Variants in RP1 observed in about 807,000 individuals in gnomAD.
The protein encoded by RP1 is RP1 axonemal microtubule associated.
RP1 carries 16 observed loss-of-function variants against 14.8 expected under a neutral mutation model. That is an observed-to-expected ratio of 1.08 (90% CI 0.73 to 1.65). RP1 has a LOEUF of 1.65. Among genes scored for constraint, RP1 ranks in the 40% most tolerant of loss-of-function variants. The pLI is 0.00. For synonymous variants in RP1, 876 were observed against 883.6 expected, an observed-to-expected ratio of 0.99 and a Z score of 0.15; for missense variants, 2,631 against 2,535.0, an observed-to-expected ratio of 1.04 and a Z score of -0.81.
At chr8:54,780,434 A>G (rs963602964) in intron 23 of RP1, among the ~76,000 whole-genome samples, 5 of 152,230 alleles carry the variant, frequency 3.3e-5, no homozygotes, top group African/African-American at 1.2e-4. Flanking sequence ...GTTAAACACA[A>G]TGTGCATAAT....
At chr8:54,642,719 A>G (rs1187998597) in intron 3 of RP1, among the ~76,000 whole-genome samples, 2 of 152,154 alleles carry the variant, frequency 1.3e-5, no homozygotes, top group Non-Finnish European at 2.9e-5. Flanking sequence ...GTATATTTGT[A>G]TAGTAAATTA....
At chr8:54,590,346 A>G (rs1436676316) in intron 1 of RP1, among the ~76,000 whole-genome samples, 2 of 152,142 alleles carry the variant, frequency 1.3e-5, no homozygotes, top group Non-Finnish European at 2.9e-5. Flanking sequence ...GTCTTTCCTC[A>G]ACCCTCCCTA....
chr8:54,629,173 G>A lies in RP1; in HGVS notation c.5291G>A (p.Cys1764Tyr). 1 of 1,614,112 alleles carries A rather than the reference G, an allele frequency of 6.2e-7. No homozygotes were observed. The highest frequency in any genetic ancestry group is 8.5e-7 in the Non-Finnish European group (1 of 1,179,968). ...ATGTCATCTGAAAATCCTGGCATGT[G>A]TGGCAATGCAGACACCACATCAGTG... The part of the protein sequence containing the change: ...LRMSSENPGM[C>Y]GNADTTSVDT... Residue 1764 changes from cysteine to tyrosine, a missense_variant, in exon 4 of 4, where the codon TGT becomes TAT. Cys to Tyr is a radical substitution (Grantham distance 194, BLOSUM62 -2). Coordinates refer to ENST00000220676, the MANE Select transcript of RP1 (RefSeq NM_006269.2).
chr8:54,698,920 G>A (rs890750183), intron 12 of RP1, among the ~76,000 whole-genome samples: 2 of 152,090 alleles, frequency 1.3e-5, no homozygotes, highest in Non-Finnish European at 2.9e-5. Context: ...GATAGCATTA[G>A]GAGAAATACC....
chr8:54,740,555 C>CT (rs1809053831), intron 19 of RP1, among the ~76,000 whole-genome samples: 2 of 151,706 alleles, frequency 1.3e-5, no homozygotes, highest in South Asian at 4.2e-4. Context: ...AATCTCATCT[C>CT]TACTAAAAAT....
At chr8:54,676,152 A>G (rs768078171) in intron 8 of RP1, among the ~76,000 whole-genome samples, 60 of 152,244 alleles carry the variant, frequency 3.9e-4, no homozygotes, top group Non-Finnish European at 6.9e-4. Flanking sequence ...TTTTAGGGGG[A>G]CAAGTATATT....
intron 1 of RP1, among the ~76,000 whole-genome samples, chr8:54,600,728 G>A (rs1805260948): frequency 6.6e-6 from 1 of 152,198 alleles, no homozygotes; most frequent in African/African-American, 2.4e-5. Flanking sequence ...GCTGCATTGG[G>A]CAGGTATTGC....
chr8:54,849,638 G>A (rs894726067), intron 25 of RP1, among the ~76,000 whole-genome samples: 5 of 151,978 alleles, frequency 3.3e-5, no homozygotes, highest in Non-Finnish European at 5.9e-5. Flanking sequence ...CAAAAATTTG[G>A]GCCTACAAAG....
At chr8:54,813,186 A>G (rs557007057) in intron 24 of RP1, among the ~76,000 whole-genome samples, 48 of 152,360 alleles carry the variant, frequency 3.2e-4, no homozygotes, top group African/African-American at 1.1e-3. Flanking sequence ...TAGCCAATCA[A>G]ATCAACATCT....
intron 12 of RP1, among the ~76,000 whole-genome samples, chr8:54,688,554 A>G (rs1162881386): frequency 6.6e-6 from 1 of 152,156 alleles, no homozygotes; most frequent in Non-Finnish European, 1.5e-5. Flanking sequence ...TCCCAGCACC[A>G]TTTATTAAAT....
intron 3 of RP1, among the ~76,000 whole-genome samples, chr8:54,636,146 T>G (rs1041622546): frequency 3.3e-5 from 5 of 152,230 alleles, no homozygotes; most frequent in Non-Finnish European, 7.3e-5. Flanking sequence ...CGTAGCCTTC[T>G]TTTTGGTCAG....
chr8:54,849,439 T>C (rs1188161545), intron 25 of RP1, among the ~76,000 whole-genome samples: 1 of 152,084 alleles, frequency 6.6e-6, no homozygotes, highest in Admixed American at 6.5e-5. Flanking sequence ...TCCCCAACCA[T>C]GTGACATTTT....
At chr8:54,734,218 G>A (rs1808858376) in intron 17 of RP1, among the ~76,000 whole-genome samples, 1 of 152,262 alleles carries the variant, frequency 6.6e-6, no homozygotes, top group East Asian at 1.9e-4. Flanking sequence ...CAAGCAGGCA[G>A]CTTTATGAAA....
Position 54,779,495 on chromosome 8 carries a change from A to G in RP1, c.3452-4052A>G, listed in dbSNP as rs937005851. Among the ~76,000 whole-genome samples, 16 of 152,316 alleles carry G rather than the reference A, an allele frequency of 1.1e-4. No homozygotes were observed. The East Asian group carries it at 2.7e-3, about 26-fold the overall frequency. On this transcript the variant is annotated intron_variant, in intron 23 of 28. Coordinates refer to the RP1 transcript ENST00000637698. Reference sequence around the variant, plus strand: ...AGTATCTGAAAACATGTCTAGACACAGGTGTTTCTATATTCAAAAACAGGG... The same window carrying G: ...AGTATCTGAAAACATGTCTAGACACGGGTGTTTCTATATTCAAAAACAGGG...
chr8:54,737,605 A>T (rs1808964921), intron 18 of RP1, among the ~76,000 whole-genome samples: 2 of 152,036 alleles, frequency 1.3e-5, no homozygotes, highest in South Asian at 4.2e-4. Flanking sequence ...GTGGGGGGAA[A>T]TTGGCTGTTG....
intron 24 of RP1, among the ~76,000 whole-genome samples, chr8:54,826,970 T>C (rs185141586): frequency 1.3e-5 from 2 of 152,376 alleles, no homozygotes; most frequent in African/African-American, 4.8e-5. Flanking sequence ...TGTAGTCACT[T>C]GTAACACAAT....
At chr8:54,568,284 G>A (rs1348215148) in intron 1 of RP1, among the ~76,000 whole-genome samples, 1 of 152,120 alleles carries the variant, frequency 6.6e-6, no homozygotes, top group Non-Finnish European at 1.5e-5. Flanking sequence ...GCATGGATTA[G>A]GGAAAAAAGT....
rs1330020888 is a variant in RP1 at position 54,869,859 on chromosome 8, C to T, written c.4168C>T (p.Gln1390Ter). Reference sequence around the variant, plus strand: ...GCATGGCAGATGGCTAGATGAGTACCAAGATGATGGCAAGACCCAGCGGGA... The same window carrying T: ...GCATGGCAGATGGCTAGATGAGTACTAAGATGATGGCAAGACCCAGCGGGA... The change falls in exon 29 of 29, where the codon CAA becomes TAA. Residue 1390 changes from glutamine (Q) to a stop codon, truncating the protein, a stop_gained. Coordinates refer to the RP1 transcript ENST00000637698. LOFTEE classifies it low-confidence loss of function (END_TRUNC). The T allele has an allele frequency of 4.9e-6, 6 of 1,230,766 alleles. No homozygotes were observed. The South Asian group carries it at 1.2e-4, about 25-fold the overall frequency. The allele number at this position is 1,230,766 out of a possible 1,614,324, so 76.2% of individuals were successfully genotyped here. A position where few individuals can be genotyped will look rare whatever the true frequency, so the allele number is the denominator to read the frequency against.
At position 54,630,642 on chromosome 8, in the gene RP1, C is replaced by A; in HGVS notation, c.*289C>A. ...TATCTATGATTTTTTTTGCTCAGGG[C>A]ATCAAAATGTGCTAAGGACAAGAAT... On this transcript the variant is annotated 3_prime_UTR_variant, in exon 4 of 4. Transcript: ENST00000220676. 1 of 1,184,722 alleles carries A rather than the reference C, an allele frequency of 8.4e-7. No individual in the cohort carries two copies. Among genetic ancestry groups the A allele is most frequent in the Non-Finnish European group, 1.0e-6 (1 of 954,114 alleles). 73.4% of individuals were successfully genotyped at this position (1,184,722 alleles called of 1,614,324 possible). A position where few individuals can be genotyped will look rare whatever the true frequency, so the allele number is the denominator to read the frequency against.
Sources: allele counts gnomAD v4.1 joint callset (sites outside exome capture counted in the v4.1 genomes callset), GRCh38; gene constraint gnomAD v4.1.1; transcripts MANE v1.5; gene names NCBI Gene and HGNC (gene_info 2026-07-23, HGNC 2026-07-21).